Variants in PKP2 observed in about 807,000 individuals in gnomAD.
PKP2 encodes the protein plakophilin-2.
A neutral mutation model predicts 83.4 loss-of-function variants in PKP2; 73 were observed. The ratio of observed to expected loss-of-function variants is 0.88; its 90% CI spans 0.72 to 1.06. The LOEUF is 1.06. PKP2 is among the 50% of genes least tolerant of loss of function. The pLI, the probability that PKP2 is intolerant of heterozygous loss-of-function variation, is 0.00. For missense variants in PKP2, 966 were observed against 1,065.4 expected, an observed-to-expected ratio of 0.91 and a Z score of 1.30; for synonymous variants, 409 against 430.4, an observed-to-expected ratio of 0.95 and a Z score of 0.62.
At chr12:32,890,855 G>C (rs1957070375) in intron 1 of PKP2, among the ~76,000 whole-genome samples, 1 of 151,574 alleles carries the variant, frequency 6.6e-6, no homozygotes, top group Non-Finnish European at 1.5e-5. Context: ...AGCTACTCGG[G>C]AGGCTGAGGC....
At chr12:32,815,488 C>A (rs1030083054) in intron 9 of PKP2, among the ~76,000 whole-genome samples, 1 of 152,148 alleles carries the variant, frequency 6.6e-6, no homozygotes, top group African/African-American at 2.4e-5. Context: ...CATGATAGGT[C>A]CTATACAAAT....
chr12:32,853,064 AC>A (rs1447496525), intron 4 of PKP2, among the ~76,000 whole-genome samples: 1 of 152,166 alleles, frequency 6.6e-6, no homozygotes, highest in Non-Finnish European at 1.5e-5. Context: ...AGCTCGGGCA[AC>A]AGTGTGAGAC....
At chr12:32,841,580 C>T (rs1007819893) in intron 5 of PKP2, among the ~76,000 whole-genome samples, 1 of 152,184 alleles carries the variant, frequency 6.6e-6, no homozygotes, top group African/African-American at 2.4e-5. Flanking sequence ...TAAAATGGTC[C>T]TATTGTAACT....
rs374245044 is a variant in PKP2, at chr12:32,793,681, C to T, written c.2358-950G>A. On this transcript the variant is annotated intron_variant, in intron 11 of 12. Transcript: ENST00000340811. Reference sequence around the variant, plus strand: ...AGCGATCTCGGCTCACTGCAACCTCCGTCTCCCAGGTTCAAGCGATTCTCC... The same window carrying T: ...AGCGATCTCGGCTCACTGCAACCTCTGTCTCCCAGGTTCAAGCGATTCTCC... 3.0e-4 allele frequency among the ~76,000 whole-genome samples: 43 copies of T among 143,544 alleles called. No individual in the cohort carries two copies. In the South Asian group the frequency reaches 8.5e-3, roughly 28 times the overall value. The allele number at this position is 143,544 out of a possible 152,430, so 94.2% of individuals were successfully genotyped here. A position where few individuals can be genotyped will look rare whatever the true frequency, so the allele number is the denominator to read the frequency against.
At chr12:32,801,438 G>C (rs1263536140) in intron 10 of PKP2, among the ~76,000 whole-genome samples, 3 of 152,180 alleles carry the variant, frequency 2.0e-5, no homozygotes, top group Non-Finnish European at 4.4e-5. Flanking sequence ...GATTCACTGA[G>C]AATGTTCCAG....
intron 6 of PKP2, among the ~76,000 whole-genome samples, chr12:32,829,746 C>T (rs11052269): frequency 0.057 from 8,672 of 151,972 alleles, 288 homozygotes; most frequent in Non-Finnish European, 0.081. Context: ...CTGCAACCTC[C>T]GCTGCCCAAG....
intron 3 of PKP2, among the ~76,000 whole-genome samples, chr12:32,876,523 G>A (rs944484383): frequency 2.0e-5 from 3 of 152,146 alleles, no homozygotes; most frequent in African/African-American, 7.2e-5. Context: ...ACAATGACCT[G>A]ATACACTTTC....
chr12:32,814,564 G>A (rs1399766897), intron 9 of PKP2, among the ~76,000 whole-genome samples: 2 of 152,004 alleles, frequency 1.3e-5, no homozygotes, highest in Non-Finnish European at 2.9e-5. Context: ...TACACCTCAA[G>A]TTATCAATTC....
At chr12:32,811,137 T>A (rs973927629) in intron 9 of PKP2, among the ~76,000 whole-genome samples, 7 of 152,236 alleles carry the variant, frequency 4.6e-5, no homozygotes, top group African/African-American at 1.7e-4. Flanking sequence ...TCAAAAAAGA[T>A]GTCCCTGGTG....
chr12:32,871,388 T>C (rs1956895310), intron 3 of PKP2, among the ~76,000 whole-genome samples: 1 of 152,134 alleles, frequency 6.6e-6, no homozygotes, highest in Non-Finnish European at 1.5e-5. Context: ...CTCAACCTCC[T>C]GGGCTCAAGC....
intron 6 of PKP2, 56 bp downstream of exon 6, chr12:32,840,972 G>T: frequency 7.5e-7 from 1 of 1,326,210 alleles, no homozygotes; most frequent in Non-Finnish European, 1.1e-6. Flanking sequence ...GACTTCCTTG[G>T]GGCTACCTAA....
chr12:32,884,308 G>C (rs1957011065), intron 1 of PKP2, among the ~76,000 whole-genome samples: 1 of 152,122 alleles, frequency 6.6e-6, no homozygotes, highest in African/African-American at 2.4e-5. Flanking sequence ...ACAAAAATTA[G>C]CCGGGCGTGG....
intron 3 of PKP2, among the ~76,000 whole-genome samples, chr12:32,870,972 T>A (rs1458552034): frequency 2.0e-5 from 3 of 152,138 alleles, no homozygotes; most frequent in Non-Finnish European, 2.9e-5. Context: ...CTAAAAAAAT[T>A]CCTAAACTAA....
Position 32,802,498 on chromosome 12 carries a change from C to T in PKP2, c.2072G>A (p.Arg691Gln), listed in dbSNP as rs547215531. The T allele has an allele frequency of 3.1e-5, 50 of 1,613,786 alleles. No homozygotes were observed. Among genetic ancestry groups the T allele is most frequent in the East Asian group, 2.5e-4 (11 of 44,884 alleles). The change falls in exon 10 of 13, where the codon CGA (arginine) becomes CAA (glutamine). Residue 691 changes from arginine to glutamine, a missense_variant. Physicochemically the swap from Arg to Gln is conservative, Grantham distance 43. Transcript: ENST00000340811. ...TGGGTCACCAACATGCAGCATCTTT[C>T]GGGTGTGCTGCAGGCCACTTTCCTT... is the stretch of plus-strand genomic sequence containing the variant. The part of the protein sequence containing the change: ...VQKESGLQHT[R>Q]KMLHVGDPSV...
At chr12:32,836,930 C>A (rs1592744509) in intron 6 of PKP2, among the ~76,000 whole-genome samples, 1 of 152,186 alleles carries the variant, frequency 6.6e-6, no homozygotes, top group East Asian at 1.9e-4. Context: ...CCTGAGTATT[C>A]TCCTAGTGGC....
chr12:32,839,372 C>T (rs1443495765), intron 6 of PKP2, among the ~76,000 whole-genome samples: 2 of 127,796 alleles, frequency 1.6e-5, no homozygotes, highest in Non-Finnish European at 3.4e-5. Flanking sequence ...GAAAGATGTG[C>T]ACTTTTTTTT....
chr12:32,873,823 T>A (rs1956912939), intron 3 of PKP2, among the ~76,000 whole-genome samples: 1 of 152,110 alleles, frequency 6.6e-6, no homozygotes, highest in Non-Finnish European at 1.5e-5. Context: ...AGCCACCGCG[T>A]CCGGCCCATT....
intron 3 of PKP2, among the ~76,000 whole-genome samples, chr12:32,870,311 C>T (rs773239507): frequency 5.3e-5 from 8 of 151,906 alleles, no homozygotes; most frequent in Middle Eastern, 3.4e-3. Context: ...TGGGTGGGGG[C>T]GGTGCAGGTG....
rs146708884 is a variant in PKP2, at chr12:32,896,558, C to A, written c.174G>T (p.Glu58Asp). The change falls in exon 1 of 13, where the codon GAG becomes GAT. Residue 58 changes from glutamate (E) to aspartate (D), a missense_variant. Transcript: ENST00000340811. ...GQTVKSLRIQ[E>D]QVQQTLARKG... The stretch of plus-strand genomic sequence containing the variant: ...TCCGGGCGAGGGTCTGCTGCACCTG[C>A]TCCTGGATCCGCAGGCTCTTGACTG... The A allele has an allele frequency of 4.7e-3, 7,473 of 1,589,246 alleles. 87 individuals are homozygous for A. Among genetic ancestry groups the A allele is most frequent in the Non-Finnish European group, 4.0e-3 (4,680 of 1,175,754 alleles).
Sources: allele counts gnomAD v4.1 joint callset (sites outside exome capture counted in the v4.1 genomes callset), GRCh38; gene constraint gnomAD v4.1.1; transcripts MANE v1.5; gene names NCBI Gene and HGNC (gene_info 2026-07-23, HGNC 2026-07-21).